The following NPC1 variants were observed in gnomAD, a reference collection of about 807,000 sequenced individuals.
The protein encoded by NPC1 is NPC intracellular cholesterol transporter 1.
In NPC1, 85 loss-of-function variants were observed where a neutral mutation model predicts 140.4. The observed-to-expected ratio is 0.61, with a 90% CI of 0.51 to 0.72. The LOEUF (loss-of-function observed/expected upper bound fraction) is 0.72. NPC1 is among the 30% of genes least tolerant of loss of function. The probability of loss-of-function intolerance (pLI) is 0.00; values close to 1 mark genes in which losing one functional copy is unlikely to be tolerated. For synonymous variants in NPC1, 656 were observed against 624.8 expected, an observed-to-expected ratio of 1.05 and a Z score of -0.74; for missense variants, 1,504 against 1,623.8, an observed-to-expected ratio of 0.93 and a Z score of 1.27.
chr18:23,576,603 G>A (rs1024793476), intron 1 of NPC1: 2 of 468,170 alleles, frequency 4.3e-6, no homozygotes, highest in Non-Finnish European at 5.6e-6. Context: ...GGCGGTGAGC[G>A]TTACAGCTCT....
At chr18:23,534,119 T>C in intron 23 of NPC1, 1 of 482,814 alleles carries the variant, frequency 2.1e-6, no homozygotes, top group Non-Finnish European at 3.8e-6. Context: ...AAGACGACTC[T>C]CCAGGCACCA....
At position 23,554,769 on chromosome 18, in the gene NPC1, C is replaced by T. The variant is rs371076898; in HGVS notation, c.1542G>A (p.Leu514=). The T allele has an allele frequency of 3.0e-5, 49 of 1,613,372 alleles. No individual in the cohort carries two copies. Among genetic ancestry groups the T allele is most frequent in the African/African-American group, 1.9e-4 (14 of 74,906 alleles). The change falls in exon 9 of 25, where the codon CTG becomes CTA. Residue 514 remains leucine (L), a synonymous_variant. Transcript: ENST00000269228. ...CTCTTGCCACTTACCGTACGCAGTACAGAAAGTGCGTGTGGTAATCGGCAT... is the reference window on the plus strand; with the variant it reads ...CTCTTGCCACTTACCGTACGCAGTATAGAAAGTGCGTGTGGTAATCGGCAT... The part of the protein sequence containing the change: ...FVYADYHTHF[L]YCVRAPASLN...
downstream of NPC1, among the ~76,000 whole-genome samples, chr18:23,524,644 T>C (rs955621462): frequency 3.3e-5 from 5 of 152,040 alleles, no homozygotes; most frequent in African/African-American, 1.2e-4. Context: ...TTTTTTACTA[T>C]ATGTGCATTT....
chr18:23,556,687 C>CA (rs758986016), intron 7 of NPC1, 74 bp from the exon 8 acceptor site: 1 of 1,585,182 alleles, frequency 6.3e-7, no homozygotes, highest in Non-Finnish European at 8.6e-7. Context: ...ACAGGGAAAG[C>CA]ATTAGTTGCT....
In NPC1 at chr18:23,534,485, C is replaced by G; in HGVS notation, c.3552G>C (p.Val1184=). The G allele has an allele frequency of 6.2e-7, 1 of 1,614,082 alleles. No homozygotes were observed. The change falls in exon 23 of 25, where the codon GTG becomes GTC. Residue 1184 remains valine, a synonymous_variant. Coordinates refer to ENST00000269228, the MANE Select transcript of NPC1 (RefSeq NM_000271.5). ...GGGCAAGTGCCTCTTCCGCGCGCTC[C>G]ACGCGGCTGCCTTTCATGCTCACCG... is the stretch of plus-strand genomic sequence containing the variant. ...AFTVSMKGSR[V]ERAEEALAHM...
chr18:23,554,710 G>C, intron 9 of NPC1, 48 bp downstream of exon 9: 1 of 1,487,138 alleles, frequency 6.7e-7, no homozygotes, highest in Non-Finnish European at 9.4e-7. Context: ...TGTACCCTAA[G>C]TCAGACCCAA....
Position 23,539,987 on chromosome 18 carries a change from C to T in NPC1, c.2619G>A (p.Val873=), listed in dbSNP as rs2058689890. ...SLSMPDDSYM[V]DYFKSISQYL... ...ACTGACTGATGGATTTGAAATAATC[C>T]ACCATGTAGGAGTCCTGAAAGAAAG... Residue 873 remains valine, a synonymous_variant, in exon 18 of 25, where the codon GTG becomes GTA. Transcript: ENST00000269228. The T allele has an allele frequency of 1.2e-6, 2 of 1,613,904 alleles. No individual in the cohort carries two copies. The highest frequency in any genetic ancestry group is 1.7e-6 in the Non-Finnish European group (2 of 1,179,926).
At chr18:23,570,374 CTAAA>C (rs1426570907) in intron 3 of NPC1, among the ~76,000 whole-genome samples, 1 of 152,176 alleles carries the variant, frequency 6.6e-6, no homozygotes, top group African/African-American at 2.4e-5. Context: ...ACGGTGGATC[CTAAA>C]TAAATGTGTT....
At chr18:23,518,985 T>C (rs561264252), downstream of NPC1, 1 of 1,614,128 alleles carries the variant, frequency 6.2e-7, no homozygotes, top group East Asian at 2.2e-5. Context: ...CCACGGTAGA[T>C]TTCATGCTTT....
chr18:23,523,998 A>C, intron 1 of NPC1: 1 of 1,026,064 alleles, frequency 9.7e-7, no homozygotes, highest in Admixed American at 1.9e-5. Flanking sequence ...GGAACAGTTC[A>C]TTTCTTCCTT....
chr18:23,544,373 T>C lies in NPC1; in HGVS notation c.2101A>G (p.Asn701Asp). ...TAGGCCTGCACCAGAATGAAGATGT[T>C]GTCCACTCCAACAGCCAGCACCAGG... ...PFLVLAVGVD[N>D]IFILVQAYQR... Residue 701 changes from asparagine (N) to aspartate (D), a missense_variant, in exon 13 of 25, where the codon AAC (asparagine) becomes GAC (aspartate). Physicochemically the swap from Asn to Asp is conservative, Grantham distance 23. Coordinates refer to ENST00000269228, the MANE Select transcript of NPC1 (RefSeq NM_000271.5). 6.2e-7 allele frequency: 1 copy of C among 1,614,152 alleles called. No homozygotes were observed. Among genetic ancestry groups the C allele is most frequent in the Non-Finnish European group, 8.5e-7 (1 of 1,180,022 alleles).
intron 24 of NPC1, chr18:23,532,982 A>G (rs967974810): frequency 1.0e-6 from 1 of 979,368 alleles, no homozygotes; most frequent in African/African-American, 1.8e-5. Flanking sequence ...TGAGGGACAT[A>G]AAAAGCTGTT....
intron 20 of NPC1, among the ~76,000 whole-genome samples, chr18:23,537,117 G>A (rs2058643474): frequency 6.6e-6 from 1 of 152,084 alleles, no homozygotes; most frequent in South Asian, 2.1e-4. Context: ...AGCCCAGGCT[G>A]GAGTGCAGTG....
intron 16 of NPC1, 50 bp downstream of exon 16, chr18:23,541,018 A>T (rs2058705339): frequency 6.2e-7 from 1 of 1,601,420 alleles, no homozygotes; most frequent in East Asian, 2.2e-5. Flanking sequence ...AAGGCATGTG[A>T]TAATCTGTTT....
intron 1 of NPC1, 39 bp downstream of exon 1, chr18:23,586,248 C>A: frequency 1.3e-6 from 2 of 1,528,334 alleles, no homozygotes; most frequent in Non-Finnish European, 1.7e-6. Context: ...GGCCCCGCCA[C>A]GTCCCCACAG....
chr18:23,568,971 C>T lies in NPC1; in HGVS notation c.315G>A (p.Leu105=). ...SRCPSCFYNL[L]NLFCELTCSP... ...TACATGTCAGCTCACAAAACAGGTT[C>T]AGTAGGTTATAAAAACAGGATGGAC... is the stretch of plus-strand genomic sequence containing the variant. Residue 105 remains leucine, a synonymous_variant, in exon 4 of 25, where the codon CTG becomes CTA. Transcript: ENST00000269228. 2.5e-6 allele frequency: 4 copies of T among 1,613,842 alleles called. No homozygotes were observed. Among genetic ancestry groups the T allele is most frequent in the Non-Finnish European group, 3.4e-6 (4 of 1,179,916 alleles).
intron 6 of NPC1, among the ~76,000 whole-genome samples, chr18:23,559,967 AAAAG>A (rs1316021075): frequency 4.6e-5 from 7 of 152,164 alleles, no homozygotes; most frequent in East Asian, 1.9e-4. Context: ...TCCAAAAAAA[AAAAG>A]AATCAGTGGC....
intron 10 of NPC1, among the ~76,000 whole-genome samples, chr18:23,549,536 G>C (rs1316836991): frequency 6.6e-6 from 1 of 152,124 alleles, no homozygotes; most frequent in Non-Finnish European, 1.5e-5. Context: ...CTACTCAGGA[G>C]GTGGAGGCAG....
At chr18:23,555,543 T>C (rs1044112403) in intron 8 of NPC1, among the ~76,000 whole-genome samples, 2 of 152,242 alleles carry the variant, frequency 1.3e-5, no homozygotes, top group South Asian at 2.1e-4. Flanking sequence ...CTTTTCAAGA[T>C]TGCAGACTTT....
Sources: gnomAD v4.1 joint callset for allele counts (sites outside exome capture counted in the v4.1 genomes callset) on GRCh38, gnomAD v4.1.1 for gene constraint, MANE v1.5 for transcripts, NCBI Gene and HGNC (gene_info 2026-07-23, HGNC 2026-07-21) for gene names.